Variants in PPP1R13B observed in about 807,000 individuals in gnomAD.
PPP1R13B encodes the protein apoptosis-stimulating of p53 protein 1.
Under a neutral mutation model 119.8 loss-of-function variants are expected in PPP1R13B, and 44 were observed. That is an observed-to-expected ratio of 0.37 (90% CI 0.29 to 0.47). The LOEUF (loss-of-function observed/expected upper bound fraction) is 0.47, where lower values mean the gene tolerates loss of function less well. PPP1R13B is among the 20% of genes least tolerant of loss of function. The pLI, the probability that PPP1R13B is intolerant of heterozygous loss-of-function variation, is 0.99. For missense variants in PPP1R13B, 1,227 were observed against 1,413.5 expected (o/e 0.87, Z 2.12); for synonymous variants, 542 against 561.5 (o/e 0.97, Z 0.49).
intron 3 of PPP1R13B, among the ~76,000 whole-genome samples, chr14:103,780,745 C>A (rs1273359224): frequency 6.8e-6 from 1 of 147,354 alleles, no homozygotes; most frequent in Admixed American, 6.9e-5. Context: ...ACCCGGGAGG[C>A]GAAGGTTGCA....
chr14:103,810,282 C>T (rs1003437327), intron 1 of PPP1R13B, among the ~76,000 whole-genome samples: 4 of 151,906 alleles, frequency 2.6e-5, no homozygotes, highest in Middle Eastern at 3.4e-3. Context: ...ATTAGCCCGA[C>T]GTGGTGGCAC....
Position 103,740,518 on chromosome 14 carries a change from G to A in PPP1R13B, c.1898C>T (p.Thr633Met), listed in dbSNP as rs764234340. The change falls in exon 12 of 17, where the codon ACG (threonine) becomes ATG (methionine). Residue 633 changes from threonine (T) to methionine (M), a missense_variant. Physicochemically the swap from Thr to Met is moderately conservative, Grantham distance 81. Transcript: ENST00000202556. This position sits in a 1 kb window ranked among gnomAD's most constrained non-coding sequence, Gnocchi z 4.6. Reference sequence around the variant, plus strand: ...AGGTGGCTGAGGCTGTGGTGTGCCCGTGGACAGTGACCCGTGAAGAAACGG... The same window carrying A: ...AGGTGGCTGAGGCTGTGGTGTGCCCATGGACAGTGACCCGTGAAGAAACGG... ...PLPFLHGSLS[T>M]GTPQPQPPSE... 1.5e-4 allele frequency: 234 copies of A among 1,595,764 alleles called. No individual in the cohort carries two copies. The highest frequency in any genetic ancestry group is 1.9e-4 in the Non-Finnish European group (219 of 1,168,998).
rs764028213 is a variant in PPP1R13B at position 103,740,524 on chromosome 14, A to G, written c.1892T>C (p.Leu631Pro). 4.4e-6 allele frequency: 7 copies of G among 1,587,714 alleles called. No homozygotes were observed. The highest frequency in any genetic ancestry group is 2.7e-5 in the African/African-American group (2 of 74,072). ...CTGAGGCTGTGGTGTGCCCGTGGACAGTGACCCGTGAAGAAACGGCAGCGG... is the reference window on the plus strand; with the variant it reads ...CTGAGGCTGTGGTGTGCCCGTGGACGGTGACCCGTGAAGAAACGGCAGCGG... The part of the protein sequence containing the change: ...PSPLPFLHGS[L>P]STGTPQPQPP... Residue 631 changes from leucine to proline, a missense_variant, in exon 12 of 17, where the codon CTG becomes CCG. Coordinates refer to ENST00000202556, the MANE Select transcript of PPP1R13B (RefSeq NM_015316.3). The surrounding 1 kb of genome is among the most constrained non-coding windows in gnomAD (Gnocchi z 4.6).
At chr14:103,781,088 C>T (rs2085326332) in intron 3 of PPP1R13B, among the ~76,000 whole-genome samples, 1 of 152,098 alleles carries the variant, frequency 6.6e-6, no homozygotes, top group Non-Finnish European at 1.5e-5. Flanking sequence ...CAGGCATGAG[C>T]CACCATACTC....
chr14:103,756,060 A>G (rs1489727509), intron 5 of PPP1R13B, among the ~76,000 whole-genome samples: 2 of 152,046 alleles, frequency 1.3e-5, no homozygotes, highest in Non-Finnish European at 2.9e-5. Flanking sequence ...TAATGTTTAA[A>G]TGTTATCTTT....
At chr14:103,831,755 G>A (rs2086668817) in intron 1 of PPP1R13B, among the ~76,000 whole-genome samples, 2 of 152,026 alleles carry the variant, frequency 1.3e-5, no homozygotes, top group Admixed American at 6.5e-5. Flanking sequence ...GGCCAACATG[G>A]TGAAACCCCG....
At chr14:103,754,885 T>C (rs959149249) in intron 5 of PPP1R13B, among the ~76,000 whole-genome samples, 1 of 151,956 alleles carries the variant, frequency 6.6e-6, no homozygotes, top group Non-Finnish European at 1.5e-5. Context: ...GTTCACACCA[T>C]TCTCCTGACT....
intron 4 of PPP1R13B, among the ~76,000 whole-genome samples, chr14:103,765,084 C>G (rs1224794881): frequency 6.6e-6 from 1 of 152,224 alleles, no homozygotes; most frequent in Non-Finnish European, 1.5e-5. Flanking sequence ...TCCCAGAGTG[C>G]TGGGATTATA....
At chr14:103,763,556 G>A (rs576482906) in intron 4 of PPP1R13B, among the ~76,000 whole-genome samples, 7 of 152,022 alleles carry the variant, frequency 4.6e-5, no homozygotes, top group Non-Finnish European at 7.4e-5. Context: ...TTAAAGCCAC[G>A]TATTCATTCT....
intron 2 of PPP1R13B, among the ~76,000 whole-genome samples, chr14:103,788,819 T>C (rs2085536793): frequency 6.6e-6 from 1 of 152,172 alleles, no homozygotes; most frequent in Non-Finnish European, 1.5e-5. Flanking sequence ...CAGAACATGA[T>C]ATTAGCATTT....
At chr14:103,804,330 G>C (rs1399279284) in intron 1 of PPP1R13B, among the ~76,000 whole-genome samples, 1 of 152,116 alleles carries the variant, frequency 6.6e-6, no homozygotes, top group African/African-American at 2.4e-5. Context: ...AAACCACACA[G>C]ATATTTTAAC....
At chr14:103,809,470 C>T (rs1219215415) in intron 1 of PPP1R13B, among the ~76,000 whole-genome samples, 2 of 152,078 alleles carry the variant, frequency 1.3e-5, no homozygotes, top group East Asian at 3.9e-4. Context: ...GTCATGACTA[C>T]AGGATATAGA....
intron 5 of PPP1R13B, among the ~76,000 whole-genome samples, chr14:103,756,652 C>T (rs1243939631): frequency 6.6e-6 from 1 of 152,202 alleles, no homozygotes; most frequent in Non-Finnish European, 1.5e-5. Context: ...TCAGTGTTTT[C>T]ATCACGGATT....
intron 1 of PPP1R13B, among the ~76,000 whole-genome samples, chr14:103,835,768 C>A (rs1179134342): frequency 1.3e-5 from 2 of 151,742 alleles, no homozygotes; most frequent in African/African-American, 4.8e-5. Context: ...GCCACCATGC[C>A]CAGCTAATTT....
At chr14:103,843,314 C>T (rs1346500136) in intron 1 of PPP1R13B, among the ~76,000 whole-genome samples, 4 of 151,962 alleles carry the variant, frequency 2.6e-5, no homozygotes, top group Non-Finnish European at 4.4e-5. Flanking sequence ...GCAGAGGTTG[C>T]AGTGAGCTGA....
At chr14:103,760,446 A>G (rs1392997229) in intron 4 of PPP1R13B, among the ~76,000 whole-genome samples, 1 of 152,212 alleles carries the variant, frequency 6.6e-6, no homozygotes, top group East Asian at 1.9e-4. Flanking sequence ...GAGTTGTCGG[A>G]TGAGTTCAGC....
intron 4 of PPP1R13B, 39 bp downstream of exon 4, chr14:103,778,706 A>G: frequency 6.5e-7 from 1 of 1,549,146 alleles, no homozygotes; most frequent in South Asian, 1.1e-5. Flanking sequence ...GCACCTAGCC[A>G]TCAATTTTTA....
intron 1 of PPP1R13B, among the ~76,000 whole-genome samples, chr14:103,816,461 C>A (rs928835358): frequency 1.3e-5 from 2 of 149,794 alleles, no homozygotes; most frequent in Admixed American, 6.7e-5. Context: ...CCAAGGCGGG[C>A]GGATCAGCTG....
intron 4 of PPP1R13B, among the ~76,000 whole-genome samples, chr14:103,774,148 A>G (rs530985740): frequency 6.6e-6 from 1 of 152,236 alleles, no homozygotes; most frequent in Non-Finnish European, 1.5e-5. Flanking sequence ...TTAACTTAAA[A>G]TTGATCATAG....
Sources: gnomAD v4.1 joint callset for allele counts (sites outside exome capture counted in the v4.1 genomes callset) on GRCh38, gnomAD v4.1.1 for gene constraint, Gnocchi (gnomAD v3.1) non-coding constraint, MANE v1.5 for transcripts, NCBI Gene and HGNC (gene_info 2026-07-23, HGNC 2026-07-21) for gene names.